The following CSMD1 variants were observed in gnomAD, a reference collection of about 807,000 sequenced individuals.
CSMD1 encodes the protein CUB and Sushi multiple domains 1, also known as CUB and sushi domain-containing protein 1.
In CSMD1, 213 loss-of-function variants were observed where a neutral mutation model predicts 417.5. The observed-to-expected ratio is 0.51, with a 90% CI of 0.46 to 0.57. The LOEUF is 0.57. CSMD1 is among the 20% of genes least tolerant of loss of function. The pLI is 0.00. For missense variants in CSMD1, 6,923 were observed against 4,529.7 expected (o/e 1.53, Z -15.17); for synonymous variants, 2,862 against 1,736.8 (o/e 1.65, Z -16.11).
intron 2 of CSMD1, among the ~76,000 whole-genome samples, chr8:4,555,764 A>C (rs185256498): frequency 5.3e-5 from 8 of 152,330 alleles, no homozygotes; most frequent in Admixed American, 1.3e-4. Flanking sequence ...TCAGTTAACA[A>C]ATGCAAAATA....
intron 24 of CSMD1, 67 bp downstream of exon 24, chr8:3,308,245 A>C: frequency 3.2e-6 from 4 of 1,250,660 alleles, no homozygotes; most frequent in Non-Finnish European, 4.5e-6. Context: ...AAGGAAGTCA[A>C]TGCAACATGG....
At chr8:4,566,951 C>G (rs535712098) in intron 2 of CSMD1, among the ~76,000 whole-genome samples, 2 of 133,600 alleles carry the variant, frequency 1.5e-5, no homozygotes, top group East Asian at 4.5e-4. Context: ...CTCTAGCAAT[C>G]GAGACTTTAG....
intron 3 of CSMD1, among the ~76,000 whole-genome samples, chr8:4,257,864 G>T (rs141228753): frequency 6.6e-6 from 1 of 152,184 alleles, no homozygotes; most frequent in Non-Finnish European, 1.5e-5. Context: ...CAGCTACAGC[G>T]TACTGATTAT....
intron 2 of CSMD1, among the ~76,000 whole-genome samples, chr8:4,602,710 T>C (rs187581065): frequency 1.3e-5 from 2 of 152,190 alleles, no homozygotes; most frequent in South Asian, 4.1e-4. Context: ...TTCATTGTTG[T>C]TATCTACAAG....
At chr8:4,220,997 C>T (rs1338075278) in intron 3 of CSMD1, among the ~76,000 whole-genome samples, 1 of 152,156 alleles carries the variant, frequency 6.6e-6, no homozygotes, top group Non-Finnish European at 1.5e-5. Context: ...CTCTCCTCTG[C>T]CATGCCATGT....
chr8:3,386,988 C>G (rs7004117), intron 18 of CSMD1, among the ~76,000 whole-genome samples: 20,087 of 152,178 alleles, frequency 0.13, 1,577 homozygotes, highest in African/African-American at 0.21. Flanking sequence ...TGTAGGACAA[C>G]AGGAGTGGCT....
intron 5 of CSMD1, among the ~76,000 whole-genome samples, chr8:3,979,674 C>A (rs145223194): frequency 2.6e-5 from 4 of 152,074 alleles, no homozygotes; most frequent in Non-Finnish European, 5.9e-5. Context: ...AAAGCAGGTG[C>A]CATCTATGAG....
At chr8:3,309,955 CT>C (rs34384274) in intron 23 of CSMD1, among the ~76,000 whole-genome samples, 5,793 of 152,230 alleles carry the variant, frequency 0.038, 166 homozygotes, top group Non-Finnish European at 0.055. Flanking sequence ...AAGAGTCAGT[CT>C]TTACCAACCA....
At chr8:3,397,228 T>A (rs527897126) in intron 16 of CSMD1, among the ~76,000 whole-genome samples, 1 of 152,290 alleles carries the variant, frequency 6.6e-6, no homozygotes, top group South Asian at 2.1e-4. Context: ...GTCATAAGAC[T>A]CTGACTCACT....
chr8:4,352,461 G>C (rs865923585), intron 3 of CSMD1, among the ~76,000 whole-genome samples: 2 of 152,154 alleles, frequency 1.3e-5, no homozygotes, highest in Admixed American at 1.3e-4. Flanking sequence ...AGAATAGAAA[G>C]TGGAAATATT....
intron 5 of CSMD1, among the ~76,000 whole-genome samples, chr8:3,881,169 A>G (rs934019553): frequency 2.0e-5 from 3 of 152,152 alleles, no homozygotes; most frequent in Admixed American, 6.6e-5. Context: ...AGAAGACACA[A>G]TATTTTAAAG....
chr8:4,535,317 A>T (rs1325698006), intron 2 of CSMD1, among the ~76,000 whole-genome samples: 1 of 152,172 alleles, frequency 6.6e-6, no homozygotes, highest in Non-Finnish European at 1.5e-5. Flanking sequence ...GAAAAATAAT[A>T]TGTAGTTATA....
intron 1 of CSMD1, among the ~76,000 whole-genome samples, chr8:4,866,085 C>T (rs1802405918): frequency 6.6e-6 from 1 of 151,916 alleles, no homozygotes; most frequent in Non-Finnish European, 1.5e-5. Flanking sequence ...TGTGAACCAT[C>T]AATAACAGTA....
At position 3,342,673 on chromosome 8, in the gene CSMD1, T is replaced by C. The variant is rs570951675; in HGVS notation, c.3631+621A>G. 5.2e-4 allele frequency among the ~76,000 whole-genome samples: 79 copies of C among 152,302 alleles called. 2 individuals carry two copies. The highest frequency in any genetic ancestry group is 1.0e-3 in the South Asian group (5 of 4,826). On this transcript the variant is annotated intron_variant, in intron 23 of 69. Transcript: ENST00000635120. ...TAAAAACATATTCCACATTGATTTG[T>C]TCATACAGATGATGGGAAGCACCGA...
chr8:3,978,485 G>A (rs904774506), intron 5 of CSMD1, among the ~76,000 whole-genome samples: 1 of 152,058 alleles, frequency 6.6e-6, no homozygotes, highest in Non-Finnish European at 1.5e-5. Context: ...TGAATATGGG[G>A]ACTTTACTTC....
intron 3 of CSMD1, among the ~76,000 whole-genome samples, chr8:4,182,028 G>A (rs1031834554): frequency 3.2e-4 from 37 of 116,744 alleles, no homozygotes; most frequent in African/African-American, 1.0e-3. Flanking sequence ...ACACACCCGT[G>A]TGTGTGTGTG....
intron 2 of CSMD1, among the ~76,000 whole-genome samples, chr8:4,563,470 G>A (rs550287798): frequency 2.2e-4 from 33 of 152,032 alleles, no homozygotes; most frequent in African/African-American, 8.0e-4. Context: ...CAATGCCAAG[G>A]CACAGGCTCT....
In CSMD1 at chr8:4,378,297, A is replaced by C. The variant is rs532502146; in HGVS notation, c.415+41656T>G. On this transcript the variant is annotated intron_variant, in intron 3 of 69. Transcript: ENST00000635120. ...CCTGTTATATAATCCATGCAAAGTA[A>C]CTATTAAATTGTTATAAATTGCTGT... Among the ~76,000 whole-genome samples, 4 of 152,376 alleles carry C rather than the reference A, an allele frequency of 2.6e-5. No individual in the cohort carries two copies. The East Asian group carries it at 7.7e-4, about 29-fold the overall frequency.
intron 26 of CSMD1, among the ~76,000 whole-genome samples, chr8:3,276,202 T>A (rs1025914697): frequency 2.0e-5 from 3 of 152,132 alleles, no homozygotes; most frequent in Non-Finnish European, 4.4e-5. Flanking sequence ...GAGGTGTCAG[T>A]CTACCCCTGC....
Sources: allele counts gnomAD v4.1 joint callset (sites outside exome capture counted in the v4.1 genomes callset), GRCh38; gene constraint gnomAD v4.1.1; transcripts MANE v1.5; gene names NCBI Gene and HGNC (gene_info 2026-07-23, HGNC 2026-07-21).